SEMA3D: variants seen among roughly 807,000 people sequenced by gnomAD.
SEMA3D encodes the protein semaphorin-3D.
Under a neutral mutation model 100.1 loss-of-function variants are expected in SEMA3D, and 84 were observed. That is an observed-to-expected ratio of 0.84 (90% CI 0.70 to 1.01). The LOEUF is 1.01. Ranked by LOEUF, SEMA3D falls within the 50% of genes least tolerant of loss-of-function variation. The probability of loss-of-function intolerance (pLI) is 0.00; values close to 1 mark genes in which losing one functional copy is unlikely to be tolerated. For synonymous variants in SEMA3D, 312 were observed against 320.7 expected (o/e 0.97, Z 0.29); for missense variants, 875 against 934.1 (o/e 0.94, Z 0.82).
chr7:85,027,326 A>C (rs1263450949), intron 12 of SEMA3D, among the ~76,000 whole-genome samples: 1 of 151,980 alleles, frequency 6.6e-6, no homozygotes, highest in Non-Finnish European at 1.5e-5. Context: ...CGTATATCTC[A>C]AGTTTGGAGG....
chr7:85,176,939 T>C (rs1416717647), intron 1 of SEMA3D, among the ~76,000 whole-genome samples: 5 of 152,132 alleles, frequency 3.3e-5, no homozygotes, highest in Non-Finnish European at 5.9e-5. Context: ...CTTTTCTATG[T>C]TTAGTTATGT....
the SEMA3D span, among the ~76,000 whole-genome samples, chr7:85,222,688 T>C: frequency 6.6e-6 from 1 of 152,088 alleles, no homozygotes; most frequent in Non-Finnish European, 1.5e-5. Flanking sequence ...TGCACTTCAG[T>C]CTTTAGCAGA....
intron 1 of SEMA3D, among the ~76,000 whole-genome samples, chr7:85,181,508 T>C (rs1308405335): frequency 6.6e-6 from 1 of 152,160 alleles, no homozygotes; most frequent in Non-Finnish European, 1.5e-5. Context: ...ATAACCATGA[T>C]AGTATGCTAG....
intron 5 of SEMA3D, among the ~76,000 whole-genome samples, chr7:85,074,459 G>A (rs928777267): frequency 6.6e-6 from 1 of 152,014 alleles, no homozygotes; most frequent in African/African-American, 2.4e-5. Flanking sequence ...GATTGTTATG[G>A]CTGTTATGTA....
chr7:85,106,475 G>T (rs926755936), intron 3 of SEMA3D, among the ~76,000 whole-genome samples: 2 of 151,948 alleles, frequency 1.3e-5, no homozygotes, highest in Non-Finnish European at 2.9e-5. Flanking sequence ...AAAGCAAAAA[G>T]TTATGTGTGT....
At chr7:85,070,646 A>T (rs769237095) in intron 6 of SEMA3D, among the ~76,000 whole-genome samples, 1 of 152,192 alleles carries the variant, frequency 6.6e-6, no homozygotes, top group Non-Finnish European at 1.5e-5. Flanking sequence ...CTAAAAACTC[A>T]AGGTTCAATG....
intron 1 of SEMA3D, among the ~76,000 whole-genome samples, chr7:85,162,048 C>A (rs755869548): frequency 1.3e-5 from 2 of 151,912 alleles, no homozygotes; most frequent in Non-Finnish European, 2.9e-5. Context: ...TAATCTGTAC[C>A]TGTTTCGTAG....
At chr7:85,208,556 G>C in the SEMA3D span, among the ~76,000 whole-genome samples, 1 of 151,876 alleles carries the variant, frequency 6.6e-6, no homozygotes, top group Non-Finnish European at 1.5e-5. Flanking sequence ...TTTTGATTTT[G>C]CTACCTGCTT....
At chr7:85,002,725 G>C (rs983664450) in intron 18 of SEMA3D, among the ~76,000 whole-genome samples, 2 of 152,054 alleles carry the variant, frequency 1.3e-5, no homozygotes, top group Non-Finnish European at 1.5e-5. Context: ...TTTGAGCTGG[G>C]GTCAACTATC....
intron 1 of SEMA3D, among the ~76,000 whole-genome samples, chr7:85,171,851 GT>G (rs1343653965): frequency 4.0e-5 from 6 of 151,794 alleles, no homozygotes; most frequent in Admixed American, 1.3e-4. Flanking sequence ...ACTTGACTCA[GT>G]TTTAGTCTTT....
At chr7:85,107,475 C>T (rs1788963603) in intron 3 of SEMA3D, among the ~76,000 whole-genome samples, 1 of 152,050 alleles carries the variant, frequency 6.6e-6, no homozygotes, top group Non-Finnish European at 1.5e-5. Context: ...TCCATTTTTA[C>T]ATTATCTTCC....
intron 9 of SEMA3D, among the ~76,000 whole-genome samples, chr7:85,047,685 C>A (rs1791047578): frequency 6.6e-6 from 1 of 151,790 alleles, no homozygotes; most frequent in Admixed American, 6.6e-5. Flanking sequence ...TGTTAAGCTA[C>A]TAATTTGTGT....
At chr7:85,166,873 T>C (rs1308453406) in intron 1 of SEMA3D, among the ~76,000 whole-genome samples, 2 of 151,964 alleles carry the variant, frequency 1.3e-5, no homozygotes, top group Non-Finnish European at 1.5e-5. Context: ...GGAAGAACTT[T>C]AAAGTGGATA....
intron 3 of SEMA3D, among the ~76,000 whole-genome samples, chr7:85,106,919 CCAGATCCCTCACAGGA>C (rs1788944136): frequency 6.6e-6 from 1 of 152,008 alleles, no homozygotes; most frequent in Non-Finnish European, 1.5e-5. Context: ...TTACCTCCCA[CCAGATCCCTCACAGGA>C]CACGTGGGGA....
chr7:85,134,871 A>G (rs148538648), intron 2 of SEMA3D, among the ~76,000 whole-genome samples: 3 of 152,158 alleles, frequency 2.0e-5, no homozygotes, highest in Non-Finnish European at 4.4e-5. Context: ...ACATATGGGA[A>G]TGTGGGGACT....
chr7:85,027,587 T>C (rs867618078), intron 12 of SEMA3D, among the ~76,000 whole-genome samples: 7 of 152,030 alleles, frequency 4.6e-5, no homozygotes, highest in Admixed American at 1.3e-4. Flanking sequence ...TTAACCAAGA[T>C]TTATAGGATA....
At chr7:85,103,597 C>A (rs1788815673) in intron 3 of SEMA3D, among the ~76,000 whole-genome samples, 1 of 151,978 alleles carries the variant, frequency 6.6e-6, no homozygotes, top group African/African-American at 2.4e-5. Flanking sequence ...TTTGTTTTAT[C>A]TCCCTAAACC....
intron 7 of SEMA3D, 126 bp downstream of exon 7, chr7:85,068,064 TG>T (rs1405974463): frequency 2.2e-5 from 14 of 624,894 alleles, no homozygotes; most frequent in Non-Finnish European, 4.0e-5. Flanking sequence ...ACTAAAATAA[TG>T]GAAACAAATC....
intron 5 of SEMA3D, among the ~76,000 whole-genome samples, chr7:85,077,727 G>A (rs561872931): frequency 4.0e-4 from 61 of 152,110 alleles, no homozygotes; most frequent in African/African-American, 1.3e-3. Flanking sequence ...TGGTATAATA[G>A]GTAAATACAC....
Sources: allele counts gnomAD v4.1 joint callset (sites outside exome capture counted in the v4.1 genomes callset), GRCh38; gene constraint gnomAD v4.1.1; transcripts MANE v1.5; gene names NCBI Gene and HGNC (gene_info 2026-07-23, HGNC 2026-07-21).